WWOX: variants seen among roughly 807,000 people sequenced by gnomAD.
WWOX encodes the protein WW domain containing oxidoreductase, also known as WW domain-containing oxidoreductase.
Under a neutral mutation model 46.2 loss-of-function variants are expected in WWOX, and 69 were observed. The ratio of observed to expected loss-of-function variants is 1.49; its 90% confidence interval spans 1.23 to 1.82. The LOEUF is 1.82. WWOX is among the 40% of genes most tolerant of loss of function. The pLI is 0.00. For missense variants in WWOX, 919 were observed against 542.6 expected, an observed-to-expected ratio of 1.69 and a Z score of -6.89; for synonymous variants, 359 against 202.6, an observed-to-expected ratio of 1.77 and a Z score of -6.56.
At chr16:78,881,826 T>C (rs554219516) in intron 8 of WWOX, among the ~76,000 whole-genome samples, 1 of 152,302 alleles carries the variant, frequency 6.6e-6, no homozygotes, top group South Asian at 2.1e-4. Flanking sequence ...TCTTCTCGAA[T>C]TAGAAGAACT....
intron 8 of WWOX, among the ~76,000 whole-genome samples, chr16:78,830,194 G>C (rs6420408): frequency 0.83 from 125,754 of 152,178 alleles, 52,170 homozygotes; most frequent in African/African-American, 0.87. Flanking sequence ...AAAGGAGGGA[G>C]AGGATGAAGG....
chr16:78,566,140 G>A (rs559694590), intron 8 of WWOX, among the ~76,000 whole-genome samples: 1 of 152,062 alleles, frequency 6.6e-6, no homozygotes, highest in Admixed American at 6.5e-5. Context: ...GCAGAGAGAG[G>A]AAGGGGTCTG....
At chr16:78,416,070 C>A (rs188058591) in intron 6 of WWOX, among the ~76,000 whole-genome samples, 1 of 152,100 alleles carries the variant, frequency 6.6e-6, no homozygotes, top group Non-Finnish European at 1.5e-5. Flanking sequence ...CCTTTTCTGC[C>A]CTTAATCACC....
chr16:79,174,000 G>C (rs1262809821), intron 8 of WWOX, among the ~76,000 whole-genome samples: 1 of 152,186 alleles, frequency 6.6e-6, no homozygotes, highest in Non-Finnish European at 1.5e-5. Context: ...ATCTGTGGCA[G>C]CTTATAAACT....
At chr16:78,920,893 T>A (rs2045363127) in intron 8 of WWOX, among the ~76,000 whole-genome samples, 1 of 152,184 alleles carries the variant, frequency 6.6e-6, no homozygotes, top group South Asian at 2.1e-4. Context: ...TGATTCCAAT[T>A]TTTAAAAACT....
chr16:78,466,196 T>C (rs539726438), intron 8 of WWOX, among the ~76,000 whole-genome samples: 1 of 152,218 alleles, frequency 6.6e-6, no homozygotes, highest in East Asian at 1.9e-4. Flanking sequence ...CATGCTTGGC[T>C]AATTTTTTGT....
At chr16:78,658,281 C>G (rs964106162) in intron 8 of WWOX, among the ~76,000 whole-genome samples, 1 of 152,140 alleles carries the variant, frequency 6.6e-6, no homozygotes, top group Non-Finnish European at 1.5e-5. Flanking sequence ...AAGTAATGAA[C>G]AAGAAAGTAT....
At chr16:78,304,248 A>G (rs1326201932) in intron 5 of WWOX, among the ~76,000 whole-genome samples, 2 of 152,158 alleles carry the variant, frequency 1.3e-5, no homozygotes, top group African/African-American at 4.8e-5. Flanking sequence ...TCTCCTTTCT[A>G]ATGCATAGGC....
chr16:78,211,170 C>T (rs1302174498), intron 5 of WWOX, among the ~76,000 whole-genome samples: 1 of 152,112 alleles, frequency 6.6e-6, no homozygotes, highest in Non-Finnish European at 1.5e-5. Flanking sequence ...TGGAAGAGAA[C>T]AGACATTGTG....
intron 8 of WWOX, among the ~76,000 whole-genome samples, chr16:78,818,935 C>T (rs370106666): frequency 2.0e-5 from 3 of 152,154 alleles, no homozygotes; most frequent in South Asian, 2.1e-4. Context: ...TAGACTTGCA[C>T]CCTGATTTCT....
chr16:78,401,588 G>A (rs1430506525), intron 6 of WWOX, among the ~76,000 whole-genome samples: 1 of 152,090 alleles, frequency 6.6e-6, no homozygotes, highest in African/African-American at 2.4e-5. Flanking sequence ...TTAGGGAAAG[G>A]GTGAGGAACC....
At chr16:78,927,848 T>C (rs978266459) in intron 8 of WWOX, among the ~76,000 whole-genome samples, 5 of 152,224 alleles carry the variant, frequency 3.3e-5, no homozygotes, top group Non-Finnish European at 5.9e-5. Context: ...TCTTACTGTT[T>C]ATTTTTGTTT....
chr16:79,141,955 C>T (rs1013122604), intron 8 of WWOX, among the ~76,000 whole-genome samples: 1 of 152,160 alleles, frequency 6.6e-6, no homozygotes, highest in Non-Finnish European at 1.5e-5. Flanking sequence ...TTGTGATAAG[C>T]CCGTCTAGCA....
chr16:78,649,726 G>A (rs1209055854), intron 8 of WWOX, among the ~76,000 whole-genome samples: 1 of 152,132 alleles, frequency 6.6e-6, no homozygotes, highest in Non-Finnish European at 1.5e-5. Context: ...ATTATTTCAT[G>A]TGTTAAGTCT....
At chr16:78,788,871 T>C (rs929782944) in intron 8 of WWOX, among the ~76,000 whole-genome samples, 1 of 152,188 alleles carries the variant, frequency 6.6e-6, no homozygotes, top group Non-Finnish European at 1.5e-5. Flanking sequence ...GTAGACAGTG[T>C]CAGGATTGAA....
intron 8 of WWOX, among the ~76,000 whole-genome samples, chr16:78,841,689 G>C (rs560731659): frequency 4.9e-4 from 74 of 152,232 alleles, no homozygotes; most frequent in African/African-American, 1.7e-3. Context: ...GCAAACATTA[G>C]ACGATTTCAT....
intron 8 of WWOX, among the ~76,000 whole-genome samples, chr16:79,137,422 A>T (rs1464042619): frequency 6.6e-6 from 1 of 152,238 alleles, no homozygotes; most frequent in Non-Finnish European, 1.5e-5. Context: ...AGATGTAAGC[A>T]TTTAGAGACA....
At chr16:79,076,044 C>T (rs190240131) in intron 8 of WWOX, among the ~76,000 whole-genome samples, 6 of 152,134 alleles carry the variant, frequency 3.9e-5, no homozygotes, top group Admixed American at 3.9e-4. Flanking sequence ...GAACCATTTT[C>T]TTGAAAATGT....
intron 8 of WWOX, among the ~76,000 whole-genome samples, chr16:79,027,485 A>G (rs1189833720): frequency 6.6e-6 from 1 of 151,676 alleles, no homozygotes; most frequent in Non-Finnish European, 1.5e-5. Flanking sequence ...CCTCCAACTG[A>G]ATAAGAACTA....
Sources: gnomAD v4.1 joint callset for allele counts (sites outside exome capture counted in the v4.1 genomes callset) on GRCh38, gnomAD v4.1.1 for gene constraint, MANE v1.5 for transcripts, NCBI Gene and HGNC (gene_info 2026-07-23, HGNC 2026-07-21) for gene names.